SLC41A2: variants seen among roughly 807,000 people sequenced by gnomAD.
The protein encoded by SLC41A2 is SLC41A1-like 1.
In SLC41A2, 32 loss-of-function variants were observed where a neutral mutation model predicts 58.3. That is an observed-to-expected ratio of 0.55 (90% CI 0.41 to 0.74). SLC41A2 has a LOEUF of 0.74. Ranked by LOEUF, SLC41A2 falls within the 30% of genes least tolerant of loss-of-function variation. The pLI is 0.00. For synonymous variants in SLC41A2, 190 were observed against 235.0 expected (o/e 0.81, Z 1.75); for missense variants, 514 against 680.6 (o/e 0.76, Z 2.72).
chr12:104,854,643 A>C (rs2042959018), intron 8 of SLC41A2, among the ~76,000 whole-genome samples: 1 of 152,046 alleles, frequency 6.6e-6, no homozygotes, highest in African/African-American at 2.4e-5. Flanking sequence ...AGCTGTGTCA[A>C]GATACTATCC....
chr12:104,954,352 C>T (rs1417572901), intron 1 of SLC41A2, among the ~76,000 whole-genome samples: 2 of 152,156 alleles, frequency 1.3e-5, no homozygotes, highest in African/African-American at 2.4e-5. Flanking sequence ...AACTGCAGTA[C>T]GTTCAGAGAG....
rs139636784 is a variant in SLC41A2, at chr12:104,884,470, G to A, written c.1027+1823C>T. Among the ~76,000 whole-genome samples, 73 of 152,172 alleles carry A rather than the reference G, an allele frequency of 4.8e-4. No individual in the cohort carries two copies. The East Asian group carries it at 0.011, about 23-fold the overall frequency. ...GGAGCTATTCATATTTGGCCATCTT[G>A]GAACTGTATACCTGTATTTTTTATG... On this transcript the variant is annotated intron_variant, in intron 6 of 10. Coordinates refer to ENST00000258538, the MANE Select transcript of SLC41A2 (RefSeq NM_001352171.3).
At chr12:104,886,227 G>C in intron 6 of SLC41A2, 66 bp downstream of exon 6, 1 of 1,537,052 alleles carries the variant, frequency 6.5e-7, no homozygotes, top group Non-Finnish European at 8.9e-7. Flanking sequence ...TCATGGCATT[G>C]CTGCAACAAT....
intron 10 of SLC41A2, among the ~76,000 whole-genome samples, chr12:104,841,416 ACAGT>A (rs1276773165): frequency 6.6e-6 from 1 of 152,002 alleles, no homozygotes; most frequent in African/African-American, 2.4e-5. Context: ...CTGGCAAGAT[ACAGT>A]CATTCAGTTT....
intron 10 of SLC41A2, among the ~76,000 whole-genome samples, chr12:104,831,559 A>G (rs1281607547): frequency 6.6e-6 from 1 of 152,220 alleles, no homozygotes; most frequent in African/African-American, 2.4e-5. Flanking sequence ...GTTAAGCAAC[A>G]TATCACTGTA....
intron 6 of SLC41A2, among the ~76,000 whole-genome samples, chr12:104,874,485 GT>G (rs1349014735): frequency 1.3e-5 from 2 of 152,134 alleles, no homozygotes; most frequent in African/African-American, 4.8e-5. Flanking sequence ...CAGGCGTTAT[GT>G]TTAGGTCTTT....
intron 10 of SLC41A2, among the ~76,000 whole-genome samples, chr12:104,820,566 T>C (rs1053625432): frequency 2.0e-5 from 3 of 152,234 alleles, no homozygotes; most frequent in African/African-American, 7.2e-5. Context: ...AACAAGGTCA[T>C]TTGTCATATT....
intron 6 of SLC41A2, among the ~76,000 whole-genome samples, chr12:104,866,943 T>A (rs1565855383): frequency 6.6e-6 from 1 of 152,114 alleles, no homozygotes; most frequent in Non-Finnish European, 1.5e-5. Flanking sequence ...CTCATTTCAT[T>A]GTCCCCACCA....
intron 6 of SLC41A2, among the ~76,000 whole-genome samples, chr12:104,883,365 TGAG>T (rs1226231899): frequency 2.0e-5 from 3 of 152,204 alleles, no homozygotes; most frequent in Non-Finnish European, 4.4e-5. Flanking sequence ...GTTCCATTGC[TGAG>T]GAGCTGTGAA....
intron 6 of SLC41A2, among the ~76,000 whole-genome samples, chr12:104,877,917 G>A (rs1365558396): frequency 2.6e-5 from 4 of 151,982 alleles, no homozygotes; most frequent in Middle Eastern, 3.4e-3. Context: ...GCTGAGGCAC[G>A]ACCATCACTT....
chr12:104,924,742 C>A (rs536419000), intron 2 of SLC41A2, among the ~76,000 whole-genome samples: 1 of 148,202 alleles, frequency 6.7e-6, no homozygotes, highest in East Asian at 2.0e-4. Context: ...GAAACTCTGT[C>A]TCAAAAAAAA....
At position 104,927,986 on chromosome 12, in the gene SLC41A2, A is replaced by G. The variant is rs2046910537; in HGVS notation, c.542T>C (p.Leu181Pro). 1 of 1,606,260 alleles carries G rather than the reference A, an allele frequency of 6.2e-7. No individual in the cohort carries two copies. Among genetic ancestry groups the G allele is most frequent in the Non-Finnish European group, 8.5e-7 (1 of 1,176,196 alleles). ...GFGTVSAGMV[L>P]DIVQHWEVFR... ...ATGAAAACCCACCTGTACTATATCC[A>G]GTACCATGCCAGCTGAAACTGTTCC... Residue 181 changes from leucine (L) to proline (P), a missense_variant, in exon 2 of 11, where the codon CTG (leucine) becomes CCG (proline). Leu to Pro is a moderately conservative substitution (Grantham distance 98). Coordinates refer to ENST00000258538, the MANE Select transcript of SLC41A2 (RefSeq NM_001352171.3).
rs78418237 is a variant in SLC41A2 at position 104,930,966 on chromosome 12, T to C, written c.-167-2272A>G. ...AGTATTCTTACTTCGGTATAAGCTATCCAGAAGTTTAGATGCAGAGATGGA... is the reference window on the plus strand; with the variant it reads ...AGTATTCTTACTTCGGTATAAGCTACCCAGAAGTTTAGATGCAGAGATGGA... On this transcript the variant is annotated intron_variant, in intron 1 of 10. Coordinates refer to ENST00000258538, the MANE Select transcript of SLC41A2 (RefSeq NM_001352171.3). Among the ~76,000 whole-genome samples, 537 of 152,314 alleles carry C rather than the reference T, an allele frequency of 3.5e-3. 2 individuals are homozygous for C. Among genetic ancestry groups the C allele is most frequent in the African/African-American group, 0.012 (498 of 41,562 alleles).
At chr12:104,929,024 G>A (rs2046957161) in intron 1 of SLC41A2, among the ~76,000 whole-genome samples, 1 of 152,010 alleles carries the variant, frequency 6.6e-6, no homozygotes, top group Non-Finnish European at 1.5e-5. Flanking sequence ...TAAAGTAATG[G>A]CTTTTATTAC....
At chr12:104,900,461 G>A (rs939248923) in intron 3 of SLC41A2, among the ~76,000 whole-genome samples, 2 of 152,056 alleles carry the variant, frequency 1.3e-5, no homozygotes, top group Admixed American at 1.3e-4. Context: ...AGTTTTTACA[G>A]GTATATATTA....
chr12:104,939,108 C>G (rs1035360154), intron 1 of SLC41A2, among the ~76,000 whole-genome samples: 4 of 152,130 alleles, frequency 2.6e-5, no homozygotes, highest in African/African-American at 9.7e-5. Flanking sequence ...TCCTGTGAGA[C>G]CTTTGTCATA....
intron 6 of SLC41A2, among the ~76,000 whole-genome samples, chr12:104,872,518 GA>G (rs1284341783): frequency 2.0e-5 from 3 of 152,172 alleles, no homozygotes. Flanking sequence ...TGGATCACTT[GA>G]GATCAGGAGT....
chr12:104,861,415 C>T (rs751025644), intron 7 of SLC41A2, 45 bp from the exon 8 acceptor site: 19 of 1,393,808 alleles, frequency 1.4e-5, no homozygotes, highest in Non-Finnish European at 1.8e-5. Flanking sequence ...GGGAAGAGAA[C>T]ATACTTGAAG....
chr12:104,886,427 A>G lies in SLC41A2; in HGVS notation c.893T>C (p.Val298Ala), dbSNP rs1272060568. 6.2e-7 allele frequency: 1 copy of G among 1,612,782 alleles called. No homozygotes were observed. The highest frequency in any genetic ancestry group is 8.5e-7 in the Non-Finnish European group (1 of 1,179,238). The part of the protein sequence containing the change: ...IASLLQGIIM[V>A]GVIVGSKKTG... ...CTTCTTTGAACCAACGATAACCCCAACCATTATTATTCCTAGAAGAAAGAA... is the reference window on the plus strand; with the variant it reads ...CTTCTTTGAACCAACGATAACCCCAGCCATTATTATTCCTAGAAGAAAGAA... Residue 298 changes from valine (V) to alanine (A), a missense_variant, in exon 6 of 11, where the codon GTT (valine) becomes GCT (alanine). Physicochemically the swap from Val to Ala is moderately conservative, Grantham distance 64. This residue lies in a region of SLC41A2 where 336 missense variants were observed against 430.0 expected (regional missense o/e 0.78). Transcript: ENST00000258538.
Sources: gnomAD v4.1 joint callset for allele counts (sites outside exome capture counted in the v4.1 genomes callset) on GRCh38, gnomAD v4.1.1 for gene constraint, gnomAD v4.1.1 regional missense constraint, MANE v1.5 for transcripts, NCBI Gene and HGNC (gene_info 2026-07-23, HGNC 2026-07-21) for gene names.